The following HLCS variants were observed in gnomAD, a reference collection of about 807,000 sequenced individuals.
HLCS encodes holocarboxylase synthetase.
HLCS carries 53 observed loss-of-function variants against 75.0 expected under a neutral mutation model. The observed-to-expected ratio is 0.71, with a 90% confidence interval of 0.57 to 0.89. HLCS has a LOEUF of 0.89. Among genes scored for constraint, HLCS ranks in the 40% least tolerant of loss-of-function variants. HLCS has a pLI of 0.00. For synonymous variants in HLCS, 431 were observed against 428.6 expected, an observed-to-expected ratio of 1.01 and a Z score of -0.07; for missense variants, 966 against 1,074.0, an observed-to-expected ratio of 0.90 and a Z score of 1.41.
chr21:36,755,235 A>G (rs2089516722), intron 10 of HLCS, among the ~76,000 whole-genome samples: 1 of 152,024 alleles, frequency 6.6e-6, no homozygotes, highest in South Asian at 2.1e-4. Context: ...TGCCTCTACA[A>G]AAAAATTTTT....
chr21:36,840,346 T>C (rs2062573093), intron 6 of HLCS, among the ~76,000 whole-genome samples: 1 of 152,178 alleles, frequency 6.6e-6, no homozygotes, highest in South Asian at 2.1e-4. Context: ...AAGTACTGCC[T>C]TCATAACTAT....
In HLCS at chr21:36,836,608, T is replaced by C. The variant is rs1445929339; in HGVS notation, c.1892+60252A>G. ...AAAATGGGAGAAAATTTTCGCAACCTACTCATCTGACAAAGGGCTAATATC... is the reference window on the plus strand; with the variant it reads ...AAAATGGGAGAAAATTTTCGCAACCCACTCATCTGACAAAGGGCTAATATC... On this transcript the variant is annotated intron_variant, in intron 6 of 10. Transcript: ENST00000674895. 2.6e-5 allele frequency among the ~76,000 whole-genome samples: 4 copies of C among 151,196 alleles called. No homozygotes were observed. The East Asian group carries it at 5.8e-4, about 22-fold the overall frequency.
rs1052912871 is a variant in HLCS, at chr21:36,750,439, G to T, written c.*3807C>A. ...CAGTGGGCTGGGTGTGGAGGGCAGC[G>T]CGGAGGGTATCTGCAAGAGCCTGTA... On this transcript the variant is annotated 3_prime_UTR_variant, in exon 11 of 11. Transcript: ENST00000674895. Among the ~76,000 whole-genome samples the T allele has an allele frequency of 1.3e-5, 2 of 152,192 alleles. No individual in the cohort carries two copies. Among genetic ancestry groups the T allele is most frequent in the African/African-American group, 4.8e-5 (2 of 41,438 alleles).
chr21:36,755,432 A>C (rs1290256958), intron 10 of HLCS, among the ~76,000 whole-genome samples: 1 of 152,056 alleles, frequency 6.6e-6, no homozygotes, highest in African/African-American at 2.4e-5. Flanking sequence ...AAAGTTTTTT[A>C]AAAGCTGCAG....
chr21:36,757,871 G>A (rs545089889), intron 9 of HLCS, among the ~76,000 whole-genome samples: 1 of 152,276 alleles, frequency 6.6e-6, no homozygotes, highest in East Asian at 1.9e-4. Flanking sequence ...ATTAAATCAA[G>A]TGCTGTACAG....
At chr21:36,776,724 A>C (rs1219225685) in intron 6 of HLCS, among the ~76,000 whole-genome samples, 1 of 152,172 alleles carries the variant, frequency 6.6e-6, no homozygotes, top group Non-Finnish European at 1.5e-5. Context: ...ATATGGCACT[A>C]TTATCTAATC....
chr21:36,888,234 G>A (rs888832501), intron 6 of HLCS, among the ~76,000 whole-genome samples: 3 of 151,644 alleles, frequency 2.0e-5, no homozygotes, highest in Non-Finnish European at 2.9e-5. Flanking sequence ...GACTTCAGGG[G>A]AGGAGGGTGC....
intron 5 of HLCS, among the ~76,000 whole-genome samples, chr21:36,911,960 A>G (rs1256647851): frequency 1.3e-5 from 2 of 151,564 alleles, no homozygotes; most frequent in Non-Finnish European, 2.9e-5. Context: ...AATCTCAGCT[A>G]CTTGGGAGGC....
chr21:36,848,578 A>C (rs1040076898), intron 6 of HLCS, among the ~76,000 whole-genome samples: 1 of 152,154 alleles, frequency 6.6e-6, no homozygotes, highest in African/African-American at 2.4e-5. Context: ...TCAACTGTAA[A>C]GCTTTTTGTA....
chr21:36,838,708 G>GA lies in HLCS; in HGVS notation c.1892+58151dup, dbSNP rs55987643. The stretch of plus-strand genomic sequence containing the variant: ...GACAGAGCGAGACTCCGTCTCAAAA[G>GA]AAAAAAAAAAAAAAAGAGAGAGACA... On this transcript the variant is annotated intron_variant, in intron 6 of 10. Coordinates refer to ENST00000674895, the MANE Select transcript of HLCS (RefSeq NM_001352514.2). Among the ~76,000 whole-genome samples the GA allele has an allele frequency of 4.4e-3, 475 of 107,516 alleles. 10 individuals are homozygous for GA. Among genetic ancestry groups the GA allele is most frequent in the Admixed American group, 0.035 (351 of 10,052 alleles). 70.5% of individuals were successfully genotyped at this position (107,516 alleles called of 152,430 possible).
chr21:36,759,339 G>A (rs2089732434), intron 9 of HLCS, among the ~76,000 whole-genome samples: 1 of 152,172 alleles, frequency 6.6e-6, no homozygotes, highest in Non-Finnish European at 1.5e-5. Flanking sequence ...CTCTTTCATG[G>A]CCCAGGAAGG....
chr21:36,784,311 CTT>C (rs34045793), intron 6 of HLCS, among the ~76,000 whole-genome samples: 36,365 of 130,362 alleles, frequency 0.28, 4,996 homozygotes, highest in East Asian at 0.37. Flanking sequence ...AATACCACCT[CTT>C]TTTTTTTTTT....
chr21:36,966,827 G>GT (rs984969912), upstream of HLCS, among the ~76,000 whole-genome samples: 5 of 146,716 alleles, frequency 3.4e-5, no homozygotes, highest in East Asian at 6.2e-4. Flanking sequence ...GGGCGGGGGG[G>GT]GGTGAGGCCG....
At chr21:36,843,096 C>CT (rs1490091213) in intron 6 of HLCS, among the ~76,000 whole-genome samples, 1 of 152,218 alleles carries the variant, frequency 6.6e-6, no homozygotes, top group Non-Finnish European at 1.5e-5. Flanking sequence ...GACCCAACTT[C>CT]TTTTAATTAA....
chr21:36,827,641 T>C (rs2062052108), intron 6 of HLCS, among the ~76,000 whole-genome samples: 1 of 149,736 alleles, frequency 6.7e-6, no homozygotes, highest in Non-Finnish European at 1.5e-5. Context: ...GAGATGGGCA[T>C]ACAATTCCTA....
chr21:36,855,027 A>C (rs963467393), intron 6 of HLCS, among the ~76,000 whole-genome samples: 2 of 152,052 alleles, frequency 1.3e-5, no homozygotes, highest in Non-Finnish European at 2.9e-5. Context: ...CTCAGGCTAC[A>C]CTATTCATAG....
intron 6 of HLCS, chr21:36,806,073 G>A (rs955509879): frequency 1.3e-5 from 2 of 152,186 alleles, no homozygotes; most frequent in Non-Finnish European, 2.9e-5. Context: ...TTAAGGAGAG[G>A]GAAATTGCGG....
intron 2 of HLCS, among the ~76,000 whole-genome samples, chr21:36,955,017 T>C (rs76233378): frequency 0.025 from 3,816 of 152,178 alleles, 160 homozygotes; most frequent in African/African-American, 0.083. Context: ...GCCAAGATAG[T>C]GCCATTGAAC....
chr21:36,823,886 C>T (rs73902739), intron 6 of HLCS, among the ~76,000 whole-genome samples: 5,491 of 152,210 alleles, frequency 0.036, 145 homozygotes, highest in African/African-American at 0.074. Context: ...GTTCTCTGAG[C>T]ATCTAACCCT....
Sources: gnomAD v4.1 joint callset for allele counts (sites outside exome capture counted in the v4.1 genomes callset) on GRCh38, gnomAD v4.1.1 for gene constraint, MANE v1.5 for transcripts, NCBI Gene and HGNC (gene_info 2026-07-23, HGNC 2026-07-21) for gene names.